EDIL3: variants seen among roughly 807,000 people sequenced by gnomAD.
The protein encoded by EDIL3 is EGF-like repeat and discoidin I-like domain-containing protein 3.
Under a neutral mutation model 67.4 loss-of-function variants are expected in EDIL3, and 37 were observed. The observed-to-expected ratio is 0.55, with a 90% CI of 0.42 to 0.72. The LOEUF (loss-of-function observed/expected upper bound fraction) is 0.72. Among genes scored for constraint, EDIL3 ranks in the 30% least tolerant of loss-of-function variants. The probability of loss-of-function intolerance (pLI) is 0.00; values close to 1 mark genes in which losing one functional copy is unlikely to be tolerated. For synonymous variants in EDIL3, 195 were observed against 196.3 expected, an observed-to-expected ratio of 0.99 and a Z score of 0.05; for missense variants, 527 against 586.3, an observed-to-expected ratio of 0.90 and a Z score of 1.04.
chr5:84,319,605 G>C (rs1363019574), intron 1 of EDIL3, among the ~76,000 whole-genome samples: 1 of 143,136 alleles, frequency 7.0e-6, no homozygotes, highest in Non-Finnish European at 1.5e-5. Context: ...ATTCCTAAAT[G>C]ATCTAGAACT....
intron 1 of EDIL3, among the ~76,000 whole-genome samples, chr5:84,337,900 C>T (rs1041214205): frequency 4.6e-5 from 7 of 151,922 alleles, no homozygotes; most frequent in East Asian, 3.9e-4. Flanking sequence ...TAATAAAATC[C>T]GAGGTTATCA....
intron 1 of EDIL3, among the ~76,000 whole-genome samples, chr5:84,359,811 A>C (rs781550807): frequency 6.6e-6 from 1 of 152,168 alleles, no homozygotes; most frequent in South Asian, 2.1e-4. Context: ...AGCACAGTCT[A>C]TGGGGCAGGT....
At chr5:84,078,988 C>T (rs1746915610) in intron 6 of EDIL3, among the ~76,000 whole-genome samples, 1 of 152,096 alleles carries the variant, frequency 6.6e-6, no homozygotes, top group South Asian at 2.1e-4. Flanking sequence ...GCCCCGTCCT[C>T]TAGGAAGAGG....
At chr5:84,137,476 C>A in intron 4 of EDIL3, 122 bp from the exon 5 acceptor site, 3 of 750,358 alleles carry the variant, frequency 4.0e-6, no homozygotes, top group Non-Finnish European at 6.4e-6. Flanking sequence ...TGTGTGTAGG[C>A]ATGTGTGTGT....
intron 10 of EDIL3, among the ~76,000 whole-genome samples, chr5:83,946,388 C>T (rs1744310831): frequency 1.3e-5 from 2 of 151,694 alleles, no homozygotes; most frequent in Admixed American, 1.3e-4. Context: ...GGGCCTTGAT[C>T]AAAAAACACT....
chr5:84,232,170 A>G (rs1466892680), intron 2 of EDIL3, among the ~76,000 whole-genome samples: 1 of 152,226 alleles, frequency 6.6e-6, no homozygotes, highest in Non-Finnish European at 1.5e-5. Context: ...ACTAGGTACT[A>G]TTTAAAGTGT....
At chr5:84,003,197 C>T (rs1373443833) in intron 9 of EDIL3, among the ~76,000 whole-genome samples, 4 of 152,190 alleles carry the variant, frequency 2.6e-5, no homozygotes, top group Non-Finnish European at 5.9e-5. Flanking sequence ...AGGCAGGGTC[C>T]TAGCTTAGGC....
At chr5:83,995,210 T>C (rs1745218486) in intron 9 of EDIL3, among the ~76,000 whole-genome samples, 1 of 151,760 alleles carries the variant, frequency 6.6e-6, no homozygotes, top group Non-Finnish European at 1.5e-5. Context: ...CACTTCATTA[T>C]GTTAGAAATC....
chr5:84,085,776 A>G (rs1205752001), intron 6 of EDIL3, among the ~76,000 whole-genome samples: 3 of 152,136 alleles, frequency 2.0e-5, no homozygotes, highest in Non-Finnish European at 4.4e-5. Flanking sequence ...GATTAAGTCC[A>G]CTGAAGCTGT....
intron 6 of EDIL3, among the ~76,000 whole-genome samples, chr5:84,069,988 C>T (rs938763033): frequency 7.9e-5 from 12 of 152,062 alleles, no homozygotes; most frequent in Non-Finnish European, 1.0e-4. Flanking sequence ...CACCGGTAGA[C>T]GCCAGCAGGC....
chr5:84,053,505 T>G (rs1445430022), intron 9 of EDIL3, among the ~76,000 whole-genome samples: 1 of 152,018 alleles, frequency 6.6e-6, no homozygotes, highest in Non-Finnish European at 1.5e-5. Context: ...CTTCAAAAAA[T>G]CAATGAATCC....
intron 6 of EDIL3, among the ~76,000 whole-genome samples, chr5:84,081,655 T>C (rs1312977460): frequency 2.0e-5 from 3 of 152,150 alleles, no homozygotes; most frequent in African/African-American, 4.8e-5. Context: ...TACATTTCTA[T>C]AGGTGGCTCA....
At chr5:84,048,541 A>G (rs1746271643) in intron 9 of EDIL3, among the ~76,000 whole-genome samples, 1 of 152,158 alleles carries the variant, frequency 6.6e-6, no homozygotes, top group South Asian at 2.1e-4. Flanking sequence ...AATTTGGTTG[A>G]AATACTATGC....
At chr5:84,290,648 T>C (rs1480152615) in intron 1 of EDIL3, among the ~76,000 whole-genome samples, 1 of 152,182 alleles carries the variant, frequency 6.6e-6, no homozygotes, top group Non-Finnish European at 1.5e-5. Flanking sequence ...CTTATAAAAA[T>C]AATTTTTATC....
At chr5:84,144,650 T>A (rs1748261574) in intron 4 of EDIL3, among the ~76,000 whole-genome samples, 1 of 152,146 alleles carries the variant, frequency 6.6e-6, no homozygotes, top group Admixed American at 6.6e-5. Context: ...TCATTTTTCC[T>A]GGTATCAGTT....
intron 1 of EDIL3, among the ~76,000 whole-genome samples, chr5:84,292,771 C>T (rs1745949383): frequency 6.6e-6 from 1 of 152,068 alleles, no homozygotes; most frequent in African/African-American, 2.4e-5. Context: ...GTGAGAAACA[C>T]ACTCACCCAC....
chr5:84,143,816 G>A (rs1364888742), intron 4 of EDIL3, among the ~76,000 whole-genome samples: 1 of 151,958 alleles, frequency 6.6e-6, no homozygotes, highest in Admixed American at 6.6e-5. Flanking sequence ...TCACAAAAGA[G>A]CAAACCACAA....
chr5:84,173,968 G>C (rs2112351340), intron 4 of EDIL3, among the ~76,000 whole-genome samples: 1 of 152,290 alleles, frequency 6.6e-6, no homozygotes, highest in Admixed American at 6.5e-5. Context: ...CAAAGGTATG[G>C]TGCACTCGTC....
At chr5:84,381,826 T>A (rs1207576295) in intron 1 of EDIL3, among the ~76,000 whole-genome samples, 4 of 152,210 alleles carry the variant, frequency 2.6e-5, no homozygotes, top group African/African-American at 9.7e-5. Context: ...TCAATCTGAC[T>A]GATCCATTGG....
Sources: allele counts gnomAD v4.1 joint callset (sites outside exome capture counted in the v4.1 genomes callset), GRCh38; gene constraint gnomAD v4.1.1; transcripts MANE v1.5; gene names NCBI Gene and HGNC (gene_info 2026-07-23, HGNC 2026-07-21).